Variants in SUSD4 observed in about 807,000 individuals in gnomAD.
SUSD4 encodes sushi domain containing 4.
Under a neutral mutation model 50.5 loss-of-function variants are expected in SUSD4, and 41 were observed. The ratio of observed to expected loss-of-function variants is 0.81; its 90% CI spans 0.63 to 1.05. The LOEUF (loss-of-function observed/expected upper bound fraction) is 1.05, where lower values mean the gene tolerates loss of function less well. SUSD4 is among the 50% of genes least tolerant of loss of function. The probability of loss-of-function intolerance (pLI) is 0.00; values close to 1 mark genes in which losing one functional copy is unlikely to be tolerated. For synonymous variants in SUSD4, 257 were observed against 257.3 expected (o/e 1.00, Z 0.01); for missense variants, 580 against 634.7 (o/e 0.91, Z 0.93).
chr1:223,284,710 C>T (rs935080444), intron 3 of SUSD4, among the ~76,000 whole-genome samples: 1 of 152,128 alleles, frequency 6.6e-6, no homozygotes, highest in Admixed American at 6.5e-5. Flanking sequence ...TTGATGGCAA[C>T]GTGGATGGAA....
In SUSD4 at chr1:223,223,712, G is replaced by A. The variant is rs77269074; in HGVS notation, c.1062-81C>T. On this transcript the variant is annotated intron_variant, in intron 7 of 8. Transcript: ENST00000366878. ...GCCACCCATACTCCCTCCTGCACTC[G>A]GGGTCCTCAGGACCCACGATGGGCA... The A allele has an allele frequency of 8.3e-3, 12,140 of 1,465,572 alleles. 401 individuals carry two copies. The East Asian group carries it at 0.083, about 10-fold the overall frequency. 90.8% of individuals were successfully genotyped at this position (1,465,572 alleles called of 1,614,324 possible). A position where few individuals can be genotyped will look rare whatever the true frequency, so the allele number is the denominator to read the frequency against.
At position 223,312,237 on chromosome 1, in the gene SUSD4, T is replaced by G. The variant is rs183068939; in HGVS notation, c.149-19586A>C. Among the ~76,000 whole-genome samples the G allele has an allele frequency of 5.3e-5, 8 of 152,266 alleles. 1 individual carries two copies. In the South Asian group the frequency reaches 1.7e-3, roughly 32 times the overall value. On this transcript the variant is annotated intron_variant, in intron 2 of 8. Transcript: ENST00000366878. ...AGAGTGTCATCATTTCAAAGTTCAA[T>G]AGGAAGAAAATGAAGCAGCTGCTAT... is the stretch of plus-strand genomic sequence containing the variant.
At chr1:223,295,253 C>T (rs1013456410) in intron 2 of SUSD4, among the ~76,000 whole-genome samples, 5 of 152,102 alleles carry the variant, frequency 3.3e-5, no homozygotes, top group African/African-American at 1.2e-4. Context: ...ATTCATGATG[C>T]TATTGAGGTG....
intron 2 of SUSD4, among the ~76,000 whole-genome samples, chr1:223,306,130 A>G (rs1665521600): frequency 6.6e-6 from 1 of 152,186 alleles, no homozygotes; most frequent in Admixed American, 6.5e-5. Context: ...GCCAGAACTG[A>G]TATTTTCCCC....
rs1228291869 is a variant in SUSD4, at chr1:223,332,941, T to C, written c.148+30337A>G. Among the ~76,000 whole-genome samples, 1 of 152,168 alleles carries C rather than the reference T, an allele frequency of 6.6e-6. No individual in the cohort carries two copies. ...AAATGGCCACCTGCTCCTGATACTC[T>C]GCGTGGAAGCTGCCGCAACTGCACA... On this transcript the variant is annotated intron_variant, in intron 2 of 8. Coordinates refer to ENST00000366878, the MANE Select transcript of SUSD4 (RefSeq NM_017982.4). The surrounding 1 kb of genome is among the most constrained non-coding windows in gnomAD (Gnocchi z 4.0).
At chr1:223,326,113 G>A (rs1412555304) in intron 2 of SUSD4, among the ~76,000 whole-genome samples, 2 of 152,118 alleles carry the variant, frequency 1.3e-5, no homozygotes, top group African/African-American at 4.8e-5. Context: ...CTACAAGGGT[G>A]TAGTTACCAA....
At chr1:223,297,811 G>T (rs1448435091) in intron 2 of SUSD4, among the ~76,000 whole-genome samples, 1 of 152,134 alleles carries the variant, frequency 6.6e-6, no homozygotes, top group Non-Finnish European at 1.5e-5. Context: ...CTCAGCATCT[G>T]GCATGGTGTG....
intron 3 of SUSD4, among the ~76,000 whole-genome samples, chr1:223,282,010 T>C (rs1343602197): frequency 2.0e-5 from 3 of 152,024 alleles, no homozygotes; most frequent in Non-Finnish European, 4.4e-5. Flanking sequence ...TCAATAGACA[T>C]GGAAAAGGCC....
intron 5 of SUSD4, among the ~76,000 whole-genome samples, chr1:223,239,397 C>G (rs967007613): frequency 2.0e-5 from 3 of 151,872 alleles, no homozygotes; most frequent in African/African-American, 4.8e-5. Flanking sequence ...TTGTTTGGTG[C>G]CTTTGTTCTT....
In SUSD4 at chr1:223,243,243, A is replaced by G. The variant is rs551997989; in HGVS notation, c.725-13855T>C. Among the ~76,000 whole-genome samples the G allele has an allele frequency of 2.0e-5, 3 of 152,268 alleles. No individual in the cohort carries two copies. The East Asian group carries it at 5.8e-4, about 29-fold the overall frequency. On this transcript the variant is annotated intron_variant, in intron 5 of 8. Transcript: ENST00000366878. ...CGCTCCAGGGAGGCCTGCGATGCAC[A>G]TCTGCCCCACGGGTTTAAGGAAGCA...
intron 2 of SUSD4, among the ~76,000 whole-genome samples, chr1:223,354,580 C>G (rs756240992): frequency 8.5e-5 from 13 of 152,126 alleles, no homozygotes; most frequent in Non-Finnish European, 1.6e-4. Flanking sequence ...CATCAGCCAC[C>G]AAGTATATGC....
intron 2 of SUSD4, among the ~76,000 whole-genome samples, chr1:223,303,349 T>C (rs905365450): frequency 3.3e-5 from 5 of 152,200 alleles, no homozygotes; most frequent in Non-Finnish European, 7.3e-5. Flanking sequence ...TCTGTTTATA[T>C]ATTCACTCCA....
At position 223,356,138 on chromosome 1, in the gene SUSD4, G is replaced by A. The variant is rs1298020341; in HGVS notation, c.148+7140C>T. Among the ~76,000 whole-genome samples, 5 of 151,566 alleles carry A rather than the reference G, an allele frequency of 3.3e-5. No homozygotes were observed. The East Asian group carries it at 9.6e-4, about 29-fold the overall frequency. ...CAATTACAATACTCTCAATTAAGAAGCTATTTGAGCAACTCAATTATTTCT... is the reference window on the plus strand; with the variant it reads ...CAATTACAATACTCTCAATTAAGAAACTATTTGAGCAACTCAATTATTTCT... On this transcript the variant is annotated intron_variant, in intron 2 of 8. Coordinates refer to ENST00000366878, the MANE Select transcript of SUSD4 (RefSeq NM_017982.4).
intron 2 of SUSD4, among the ~76,000 whole-genome samples, chr1:223,342,555 C>T (rs763703309): frequency 3.9e-5 from 6 of 152,068 alleles, no homozygotes; most frequent in Non-Finnish European, 8.8e-5. Flanking sequence ...CAGGAAGAGA[C>T]ATCAAATCAA....
At chr1:223,242,459 C>T (rs1240658416) in intron 5 of SUSD4, among the ~76,000 whole-genome samples, 3 of 152,172 alleles carry the variant, frequency 2.0e-5, no homozygotes, top group Non-Finnish European at 2.9e-5. Context: ...GCCATTGGAA[C>T]AACCCCAACT....
At chr1:223,313,467 C>T (rs1405539302) in intron 2 of SUSD4, among the ~76,000 whole-genome samples, 1 of 152,158 alleles carries the variant, frequency 6.6e-6, no homozygotes, top group African/African-American at 2.4e-5. Context: ...TTCTGATTTG[C>T]ATCCTTTATA....
intron 2 of SUSD4, among the ~76,000 whole-genome samples, chr1:223,345,545 G>C (rs567427865): frequency 2.6e-5 from 4 of 152,276 alleles, no homozygotes; most frequent in African/African-American, 7.2e-5. Flanking sequence ...CACAGTCCCT[G>C]TGTCCCTCAG....
intron 2 of SUSD4, among the ~76,000 whole-genome samples, chr1:223,350,227 CA>C (rs1225329578): frequency 9.2e-5 from 14 of 152,220 alleles, no homozygotes; most frequent in Non-Finnish European, 1.9e-4. Context: ...GACAGTATCC[CA>C]CATAGGCTCG....
chr1:223,342,559 A>T (rs751242590), intron 2 of SUSD4, among the ~76,000 whole-genome samples: 1 of 152,214 alleles, frequency 6.6e-6, no homozygotes, highest in Non-Finnish European at 1.5e-5. Context: ...AAGAGACATC[A>T]AATCAATGGA....
Sources: allele counts gnomAD v4.1 joint callset (sites outside exome capture counted in the v4.1 genomes callset), GRCh38; gene constraint gnomAD v4.1.1; non-coding constraint Gnocchi (gnomAD v3.1); transcripts MANE v1.5; gene names NCBI Gene and HGNC (gene_info 2026-07-23, HGNC 2026-07-21).